The following SMURF2 variants were observed in gnomAD, a reference collection of about 807,000 sequenced individuals.
SMURF2 encodes the protein SMAD specific E3 ubiquitin protein ligase 2.
SMURF2 carries 48 observed loss-of-function variants against 109.6 expected under a neutral mutation model. The observed-to-expected ratio is 0.44, with a 90% CI of 0.35 to 0.56. SMURF2 has a LOEUF of 0.56. Among genes scored for constraint, SMURF2 ranks in the 20% least tolerant of loss-of-function variants. SMURF2 has a pLI of 0.01. For missense variants in SMURF2, 575 were observed against 909.0 expected (o/e 0.63, Z 4.72); for synonymous variants, 288 against 317.1 (o/e 0.91, Z 0.97).
At chr17:64,553,515 A>C (rs1210632015) in intron 15 of SMURF2, among the ~76,000 whole-genome samples, 8 of 151,780 alleles carry the variant, frequency 5.3e-5, no homozygotes, top group African/African-American at 7.3e-5. Flanking sequence ...AAAAAAACCC[A>C]AAAAAACAAA....
At chr17:64,656,014 T>C (rs1457688261) in intron 1 of SMURF2, among the ~76,000 whole-genome samples, 1 of 152,212 alleles carries the variant, frequency 6.6e-6, no homozygotes, top group Non-Finnish European at 1.5e-5. Context: ...GAAAAGATAC[T>C]ACATCACTGT....
At chr17:64,584,798 G>A (rs188404463) in intron 6 of SMURF2, among the ~76,000 whole-genome samples, 86 of 152,280 alleles carry the variant, frequency 5.6e-4, no homozygotes, top group African/African-American at 2.0e-3. Flanking sequence ...AAAATAAAGA[G>A]ATGCTAGGGT....
At chr17:64,608,465 T>C (rs782612477) in intron 1 of SMURF2, among the ~76,000 whole-genome samples, 3 of 152,122 alleles carry the variant, frequency 2.0e-5, no homozygotes, top group Non-Finnish European at 2.9e-5. Context: ...TAACTAAGAA[T>C]AAGAAATCAC....
In SMURF2 at chr17:64,661,959, C is replaced by T; in HGVS notation, c.-79G>A. ...GGCGCGGCGGAGTCACCACAGCGGC[C>T]GGGGCTGGGGCCCGAGCAGCCGGCG... On this transcript the variant is annotated 5_prime_UTR_variant, in exon 1 of 19. Transcript: ENST00000262435. The T allele has an allele frequency of 8.9e-7, 1 of 1,129,498 alleles. No individual in the cohort carries two copies. The highest frequency in any genetic ancestry group is 1.1e-6 in the Non-Finnish European group (1 of 922,582). The allele number at this position is 1,129,498 out of a possible 1,614,324, so 70.0% of individuals were successfully genotyped here.
rs782665950 is a variant in SMURF2, at chr17:64,618,256, G to C, written c.53-11616C>G. On this transcript the variant is annotated intron_variant, in intron 1 of 18. Transcript: ENST00000262435. Reference sequence around the variant, plus strand: ...GAGACCAGCCTGGGCAATATAGTGAGACTCCGCCTCTAAAATAAATAAATA... The same window carrying C: ...GAGACCAGCCTGGGCAATATAGTGACACTCCGCCTCTAAAATAAATAAATA... Among the ~76,000 whole-genome samples, 39 of 152,140 alleles carry C rather than the reference G, an allele frequency of 2.6e-4. 1 individual carries two copies. Among genetic ancestry groups the C allele is most frequent in the Non-Finnish European group, 5.3e-4 (36 of 68,020 alleles).
intron 1 of SMURF2, among the ~76,000 whole-genome samples, chr17:64,609,999 T>A (rs1387042182): frequency 6.6e-6 from 1 of 150,610 alleles, no homozygotes; most frequent in East Asian, 1.9e-4. Flanking sequence ...AACAAACATA[T>A]GAAAAAAAGC....
intron 1 of SMURF2, among the ~76,000 whole-genome samples, chr17:64,635,410 C>T (rs544072858): frequency 6.6e-6 from 1 of 152,254 alleles, no homozygotes; most frequent in Admixed American, 6.5e-5. Context: ...TTAGCATAGT[C>T]ACAGTGCTGT....
chr17:64,572,367 G>A (rs1555685641), intron 9 of SMURF2, among the ~76,000 whole-genome samples: 1 of 152,078 alleles, frequency 6.6e-6, no homozygotes. Context: ...CATAAAATTT[G>A]CATAAAATGT....
At position 64,549,195 on chromosome 17, in the gene SMURF2, C is replaced by G. The variant is rs1969001984; in HGVS notation, c.1870-1394G>C. ...AGGTAAGGCATGAGAATCGCTTGAA[C>G]CCAGGAAGTAGAGGTTGTAGGGAGC... On this transcript the variant is annotated intron_variant, in intron 16 of 18. Transcript: ENST00000262435. Among the ~76,000 whole-genome samples, 3 of 145,424 alleles carry G rather than the reference C, an allele frequency of 2.1e-5. No individual in the cohort carries two copies. The South Asian group carries it at 6.5e-4, about 32-fold the overall frequency.
intron 1 of SMURF2, among the ~76,000 whole-genome samples, chr17:64,623,430 C>T (rs782484075): frequency 6.6e-6 from 1 of 152,178 alleles, no homozygotes; most frequent in Non-Finnish European, 1.5e-5. Flanking sequence ...CATAACTCAT[C>T]ATTCCAATGG....
chr17:64,613,743 T>TGTGTGTGTGTGTGTGG (rs1970082164), intron 1 of SMURF2, among the ~76,000 whole-genome samples: 1 of 92,218 alleles, frequency 1.1e-5, no homozygotes, highest in African/African-American at 4.2e-5. Context: ...TGTGTGTGTG[T>TGTGTGTGTGTGTGTGG]GGAGGGGGGG....
chr17:64,587,298 G>C (rs1230043085), intron 5 of SMURF2, among the ~76,000 whole-genome samples: 1 of 152,220 alleles, frequency 6.6e-6, no homozygotes, highest in Non-Finnish European at 1.5e-5. Flanking sequence ...CCATTATCCA[G>C]TGTAGTATAA....
At chr17:64,615,012 AATTT>A (rs1970102059) in intron 1 of SMURF2, among the ~76,000 whole-genome samples, 1 of 152,212 alleles carries the variant, frequency 6.6e-6, no homozygotes, top group South Asian at 2.1e-4. Flanking sequence ...TTAGGTCAAT[AATTT>A]ATTTTTCTGG....
intron 1 of SMURF2, among the ~76,000 whole-genome samples, chr17:64,629,235 G>A (rs1555691396): frequency 6.6e-6 from 1 of 152,182 alleles, no homozygotes; most frequent in Non-Finnish European, 1.5e-5. Flanking sequence ...AAAAGTGTGT[G>A]TACACCTATA....
chr17:64,623,666 A>G (rs1555690860), intron 1 of SMURF2, among the ~76,000 whole-genome samples: 2 of 152,250 alleles, frequency 1.3e-5, no homozygotes, highest in African/African-American at 4.8e-5. Flanking sequence ...TGCCATTTAC[A>G]TCATCCTTTT....
At chr17:64,636,294 T>C (rs559045234) in intron 1 of SMURF2, among the ~76,000 whole-genome samples, 9 of 152,246 alleles carry the variant, frequency 5.9e-5, no homozygotes, top group African/African-American at 2.2e-4. Flanking sequence ...TTTGTCCTTT[T>C]ATTGTTGAGT....
intron 1 of SMURF2, among the ~76,000 whole-genome samples, chr17:64,631,301 A>C (rs1970343300): frequency 9.3e-6 from 1 of 107,832 alleles, no homozygotes; most frequent in Non-Finnish European, 1.8e-5. Context: ...AGAGAGAGAG[A>C]GAGAGAGAGA....
At chr17:64,593,607 T>A in intron 3 of SMURF2, 34 bp from the exon 4 acceptor site, 1 of 1,472,932 alleles carries the variant, frequency 6.8e-7, no homozygotes, top group Non-Finnish European at 9.1e-7. Context: ...AGTAACTTGG[T>A]AGTTACAGGC....
intron 12 of SMURF2, 148 bp downstream of exon 12, chr17:64,561,352 T>C: frequency 1.6e-6 from 1 of 607,236 alleles, no homozygotes; most frequent in Admixed American, 3.0e-5. Context: ...AACCTCATTA[T>C]GAATATATCT....
Sources: gnomAD v4.1 joint callset for allele counts (sites outside exome capture counted in the v4.1 genomes callset) on GRCh38, gnomAD v4.1.1 for gene constraint, MANE v1.5 for transcripts, NCBI Gene and HGNC (gene_info 2026-07-23, HGNC 2026-07-21) for gene names.